Variants in GEMIN5 observed in about 807,000 individuals in gnomAD.
The protein encoded by GEMIN5 is gem nuclear organelle associated protein 5.
A neutral mutation model predicts 176.9 loss-of-function variants in GEMIN5; 124 were observed. The observed-to-expected ratio is 0.70, with a 90% confidence interval of 0.61 to 0.81. The LOEUF (loss-of-function observed/expected upper bound fraction) is 0.81. GEMIN5 is among the 40% of genes least tolerant of loss of function. The pLI is 0.00. For synonymous variants in GEMIN5, 673 were observed against 665.2 expected, an observed-to-expected ratio of 1.01 and a Z score of -0.18; for missense variants, 1,843 against 1,814.6, an observed-to-expected ratio of 1.02 and a Z score of -0.28.
chr5:154,926,024 G>T lies in GEMIN5; in HGVS notation c.1131C>A (p.Ser377=). ...ATLECSWTLP[S]LGGFAYSLAF... is the part of the protein sequence containing the mutation. ...CCAGGCTGTATGCAAACCCACCAAG[G>T]GAAGGAAGGGTCCAGCTGCACTCCA... Residue 377 remains serine (S), a synonymous_variant, in exon 8 of 28, where the codon TCC becomes TCA. Transcript: ENST00000285873. 6.2e-7 allele frequency: 1 copy of T among 1,613,702 alleles called. No individual in the cohort carries two copies. Among genetic ancestry groups the T allele is most frequent in the Non-Finnish European group, 8.5e-7 (1 of 1,179,756 alleles).
intron 9 of GEMIN5, among the ~76,000 whole-genome samples, chr5:154,922,976 G>A (rs1416873081): frequency 3.3e-5 from 5 of 152,118 alleles, no homozygotes; most frequent in African/African-American, 7.2e-5. Context: ...GATTACAGGC[G>A]TGAGCCACCG....
intron 20 of GEMIN5, among the ~76,000 whole-genome samples, chr5:154,901,948 A>G (rs113559969): frequency 1.9e-3 from 283 of 152,232 alleles, no homozygotes; most frequent in African/African-American, 6.5e-3. Context: ...CTACAGGTAC[A>G]TGTCACCATG....
At chr5:154,924,657 C>T (rs1763991042) in intron 8 of GEMIN5, 103 bp from the exon 9 acceptor site, 11 of 741,738 alleles carry the variant, frequency 1.5e-5, no homozygotes, top group Admixed American at 1.2e-4. Context: ...AACTGTCTTG[C>T]TCTGATTTCT....
chr5:154,934,697 T>G (rs1764231590), intron 3 of GEMIN5, among the ~76,000 whole-genome samples: 1 of 152,196 alleles, frequency 6.6e-6, no homozygotes, highest in African/African-American at 2.4e-5. Flanking sequence ...GCCCCAAACC[T>G]GGCTGAATCC....
chr5:154,905,339 G>A, intron 17 of GEMIN5, 24 bp downstream of exon 17: 1 of 1,132,624 alleles, frequency 8.8e-7, no homozygotes, highest in East Asian at 2.4e-5. Flanking sequence ...ACAAAATACT[G>A]TATTTTAATT....
At chr5:154,934,826 T>C (rs1378773858) in intron 3 of GEMIN5, among the ~76,000 whole-genome samples, 1 of 152,222 alleles carries the variant, frequency 6.6e-6, no homozygotes, top group African/African-American at 2.4e-5. Context: ...CGTTTTCCTA[T>C]TCTCTTTGAC....
intron 15 of GEMIN5, among the ~76,000 whole-genome samples, chr5:154,908,037 AGT>A (rs1410593315): frequency 6.6e-6 from 1 of 152,132 alleles, no homozygotes; most frequent in Non-Finnish European, 1.5e-5. Context: ...CAAATATTTT[AGT>A]GTGTGTCTTA....
Position 154,904,548 on chromosome 5 carries a change from T to C in GEMIN5, c.2591A>G (p.His864Arg), listed in dbSNP as rs1227709621. 2.5e-6 allele frequency: 4 copies of C among 1,613,218 alleles called. No homozygotes were observed. The Admixed American group carries it at 6.7e-5, about 27-fold the overall frequency. Residue 864 changes from histidine to arginine, a missense_variant, in exon 18 of 28, where the codon CAT becomes CGT. By Grantham distance (29) the His-to-Arg change is conservative. Transcript: ENST00000285873. ...SLDHRSKEEL[H>R]QDCLVLATAK... The stretch of plus-strand genomic sequence containing the variant: ...AGTTGCTAGTACCAAACAGTCCTGA[T>C]GAAGCTCCTCTTTGGATCTGTGGTC...
chr5:154,909,695 T>C (rs1763652997), intron 15 of GEMIN5, among the ~76,000 whole-genome samples: 1 of 152,136 alleles, frequency 6.6e-6, no homozygotes, highest in African/African-American at 2.4e-5. Flanking sequence ...GAATTTCACA[T>C]ACACCGGGCG....
intron 16 of GEMIN5, among the ~76,000 whole-genome samples, chr5:154,906,032 G>A (rs747646833): frequency 5.3e-5 from 8 of 150,606 alleles, no homozygotes; most frequent in Non-Finnish European, 1.2e-4. Context: ...AGATATAACT[G>A]TTGCCCAGGC....
chr5:154,926,147 A>G (rs1764025872), intron 7 of GEMIN5, 73 bp from the exon 8 acceptor site: 1 of 917,678 alleles, frequency 1.1e-6, no homozygotes, highest in Non-Finnish European at 1.8e-6. Context: ...TGATATGTCA[A>G]ATGGGATAGG....
At chr5:154,895,052 C>T (rs1763320162) in intron 24 of GEMIN5, among the ~76,000 whole-genome samples, 1 of 125,930 alleles carries the variant, frequency 7.9e-6, no homozygotes, top group African/African-American at 3.1e-5. Context: ...GTACTCCAGC[C>T]TGAGCAACAA....
chr5:154,893,765 A>T (rs1763290376), intron 24 of GEMIN5, among the ~76,000 whole-genome samples: 1 of 151,972 alleles, frequency 6.6e-6, no homozygotes, highest in South Asian at 2.1e-4. Context: ...TTTTTTTGAG[A>T]TGGAGTCTTG....
intron 13 of GEMIN5, among the ~76,000 whole-genome samples, chr5:154,913,759 G>A (rs1400001463): frequency 6.6e-6 from 1 of 152,140 alleles, no homozygotes; most frequent in Admixed American, 6.5e-5. Context: ...AGAGGTTGTA[G>A]TGAGCTGAGA....
chr5:154,900,332 A>C (rs1763437436), intron 21 of GEMIN5, among the ~76,000 whole-genome samples: 1 of 152,216 alleles, frequency 6.6e-6, no homozygotes, highest in African/African-American at 2.4e-5. Flanking sequence ...TATTAGATTA[A>C]AGTGATCTAG....
At chr5:154,920,180 A>ATGG in intron 10 of GEMIN5, 77 bp from the exon 11 acceptor site, 1 of 1,088,360 alleles carries the variant, frequency 9.2e-7, no homozygotes, top group Non-Finnish European at 1.3e-6. Context: ...GTATGACCAT[A>ATGG]CCATACTACA....
At chr5:154,923,102 G>A (rs918227918) in intron 9 of GEMIN5, among the ~76,000 whole-genome samples, 1 of 151,534 alleles carries the variant, frequency 6.6e-6, no homozygotes, top group African/African-American at 2.4e-5. Flanking sequence ...AGCTCTGGCC[G>A]GGCACGGTAG....
chr5:154,917,376 T>C (rs1763836019), intron 12 of GEMIN5, among the ~76,000 whole-genome samples, 197 bp from the exon 13 acceptor site: 1 of 152,244 alleles, frequency 6.6e-6, no homozygotes, highest in Admixed American at 6.5e-5. Context: ...ATTTAGCTTT[T>C]AAAAATTCTA....
At chr5:154,906,051 A>C (rs1203253572) in intron 16 of GEMIN5, among the ~76,000 whole-genome samples, 2 of 151,462 alleles carry the variant, frequency 1.3e-5, no homozygotes, top group African/African-American at 4.9e-5. Flanking sequence ...GCTGGAGTGC[A>C]GTGGGTGCAA....
Sources: allele counts gnomAD v4.1 joint callset (sites outside exome capture counted in the v4.1 genomes callset), GRCh38; gene constraint gnomAD v4.1.1; transcripts MANE v1.5; gene names NCBI Gene and HGNC (gene_info 2026-07-23, HGNC 2026-07-21).